Variants in RND3 observed in about 807,000 individuals in gnomAD.
RND3 encodes Rho family GTPase 3, also known as rho-related GTP-binding protein RhoE.
In RND3, 8 loss-of-function variants were observed where a neutral mutation model predicts 26.5. The observed-to-expected ratio is 0.30, with a 90% CI of 0.18 to 0.54. RND3 has a LOEUF of 0.54. Ranked by LOEUF, RND3 falls within the 20% of genes least tolerant of loss-of-function variation. RND3 has a pLI of 0.94. For missense variants in RND3, 207 were observed against 302.8 expected, an observed-to-expected ratio of 0.68 and a Z score of 2.35; for synonymous variants, 113 against 113.0, an observed-to-expected ratio of 1.00 and a Z score of 0.00.
intron 3 of RND3, among the ~76,000 whole-genome samples, chr2:150,476,025 G>T (rs1003465596): frequency 1.3e-5 from 2 of 152,152 alleles, no homozygotes; most frequent in East Asian, 1.9e-4. Context: ...GCCAAATGCC[G>T]CTTGTTTAAG....
Position 150,487,471 on chromosome 2 carries a change from AAAAATAT to A in RND3, c.-38-23_-38-17del. 1.7e-5 allele frequency: 7 copies of A among 411,418 alleles called. No individual in the cohort carries two copies. Among genetic ancestry groups the A allele is most frequent in the South Asian group, 8.2e-5 (1 of 12,206 alleles). The allele number at this position is 411,418 out of a possible 1,614,324, so 25.5% of individuals were successfully genotyped here. A position where few individuals can be genotyped will look rare whatever the true frequency, so the allele number is the denominator to read the frequency against. Reference sequence around the variant, plus strand: ...GGAATTTTCTCTTAAGAAGAAAAAAAAAAATATATATATATATATATATTTCTCTCTT... The same window carrying A: ...GGAATTTTCTCTTAAGAAGAAAAAAAATATATATATATATATTTCTCTCTT... On this transcript the variant is annotated splice_polypyrimidine_tract_variant and intron_variant, in intron 1 of 5. Coordinates refer to ENST00000263895, the MANE Select transcript of RND3 (RefSeq NM_005168.5).
rs1209384148 is a variant in RND3 at position 150,487,474 on chromosome 2, A to AATATAT, written c.-38-25_-38-20dup. 1,361 of 200,764 alleles carry AATATAT rather than the reference A, an allele frequency of 6.8e-3. 26 individuals carry two copies. The highest frequency in any genetic ancestry group is 0.034 in the African/African-American group (1,260 of 36,630). 12.4% of individuals were successfully genotyped at this position (200,764 alleles called of 1,614,324 possible). On this transcript the variant is annotated intron_variant, in intron 1 of 5. Coordinates refer to ENST00000263895, the MANE Select transcript of RND3 (RefSeq NM_005168.5). The stretch of plus-strand genomic sequence containing the variant: ...ATTTTCTCTTAAGAAGAAAAAAAAA[A>AATATAT]ATATATATATATATATATATTTCTC...
intron 3 of RND3, among the ~76,000 whole-genome samples, chr2:150,475,852 C>T (rs908301670): frequency 2.6e-5 from 4 of 152,108 alleles, no homozygotes; most frequent in Non-Finnish European, 5.9e-5. Context: ...TGAATTAAGT[C>T]CAGGGTACCC....
At chr2:150,470,784 G>A (rs947394053) in intron 5 of RND3, among the ~76,000 whole-genome samples, 13 of 152,146 alleles carry the variant, frequency 8.5e-5, no homozygotes, top group Non-Finnish European at 1.5e-4. Context: ...CTGTTCCAGC[G>A]CCTCATGGTG....
In RND3 at chr2:150,469,941, T is replaced by C. The variant is rs764386681; in HGVS notation, c.*46A>G. 5 of 1,601,786 alleles carry C rather than the reference T, an allele frequency of 3.1e-6. No individual in the cohort carries two copies. The highest frequency in any genetic ancestry group is 3.4e-6 in the Non-Finnish European group (4 of 1,172,412). ...GACTTCACCTTTTTGTTTGCTGTTG[T>C]TTTTTACACTAGATTCCTTTGTCTT... On this transcript the variant is annotated 3_prime_UTR_variant, in exon 6 of 6. Transcript: ENST00000263895.
chr2:150,487,319 C>A lies in RND3; in HGVS notation c.99G>T (p.Gln33His). Residue 33 changes from glutamine to histidine, a missense_variant, in exon 2 of 6, where the codon CAG becomes CAT. Transcript: ENST00000263895. The stretch of plus-strand genomic sequence containing the variant: ...CATGGAGCAGCGCAGTTTTTCCACA[C>A]TGACTGTCTCCCACCACAACTATCT... ...KCKIVVVGDS[Q>H]CGKTALLHVF... The A allele has an allele frequency of 6.2e-7, 1 of 1,605,912 alleles. No individual in the cohort carries two copies. The highest frequency in any genetic ancestry group is 2.3e-5 in the East Asian group (1 of 44,194).
At chr2:150,480,588 G>A (rs1233554734) in intron 3 of RND3, among the ~76,000 whole-genome samples, 2 of 151,930 alleles carry the variant, frequency 1.3e-5, no homozygotes, top group Non-Finnish European at 2.9e-5. Flanking sequence ...TGACCAATTT[G>A]GATGCTTCAT....
At chr2:150,473,969 G>A (rs1165224397) in intron 4 of RND3, among the ~76,000 whole-genome samples, 6 of 152,220 alleles carry the variant, frequency 3.9e-5, no homozygotes, top group African/African-American at 1.4e-4. Context: ...AAGCCAGTGT[G>A]TGGAGGAGAG....
chr2:150,475,677 C>T (rs192045615), intron 3 of RND3, among the ~76,000 whole-genome samples: 80 of 152,308 alleles, frequency 5.3e-4, no homozygotes, highest in Middle Eastern at 3.4e-3. Context: ...TTTACATAGG[C>T]CATTGACCTT....
Position 150,486,598 on chromosome 2 carries a change from C to T in RND3, c.238+96G>A, listed in dbSNP as rs529860120. 4.7e-5 allele frequency: 42 copies of T among 886,438 alleles called. No homozygotes were observed. In the South Asian group the frequency reaches 5.0e-4, roughly 11 times the overall value. 54.9% of individuals were successfully genotyped at this position (886,438 alleles called of 1,614,324 possible). A position where few individuals can be genotyped will look rare whatever the true frequency, so the allele number is the denominator to read the frequency against. On this transcript the variant is annotated intron_variant, in intron 3 of 5. Transcript: ENST00000263895. The surrounding 1 kb of genome is among the most constrained non-coding windows in gnomAD (Gnocchi z 4.5). ...CCGTGGGAATCCCTTGGGAGGGGCG[C>T]AGACGGCTTGTAGCGCGCGGTTTCC... is the stretch of plus-strand genomic sequence containing the variant.
rs1686358529 is a variant in RND3 at position 150,486,241 on chromosome 2, A to G, written c.238+453T>C. Among the ~76,000 whole-genome samples, 1 of 150,982 alleles carries G rather than the reference A, an allele frequency of 6.6e-6. No individual in the cohort carries two copies. The highest frequency in any genetic ancestry group is 2.4e-5 in the African/African-American group (1 of 40,994). On this transcript the variant is annotated intron_variant, in intron 3 of 5. Coordinates refer to ENST00000263895, the MANE Select transcript of RND3 (RefSeq NM_005168.5). This position sits in a 1 kb window ranked among gnomAD's most constrained non-coding sequence, Gnocchi z 4.5. ...TGCACGTAACCGCGTCGCCTCTGGG[A>G]TTTTCTCCCGCCTCCCATCACCCCC...
intron 3 of RND3, among the ~76,000 whole-genome samples, chr2:150,484,644 G>A (rs1686328139): frequency 6.6e-6 from 1 of 152,076 alleles, no homozygotes; most frequent in African/African-American, 2.4e-5. Context: ...CAACATCCTG[G>A]GAAACAAAAA....
At chr2:150,478,579 C>CA (rs1229770069) in intron 3 of RND3, among the ~76,000 whole-genome samples, 14,846 of 106,284 alleles carry the variant, frequency 0.14, 1,064 homozygotes, top group Admixed American at 0.18. Flanking sequence ...AGCCAAACGG[C>CA]AAAAAAAAAA....
At chr2:150,484,780 A>G (rs1686330627) in intron 3 of RND3, among the ~76,000 whole-genome samples, 1 of 152,214 alleles carries the variant, frequency 6.6e-6, no homozygotes, top group Non-Finnish European at 1.5e-5. Flanking sequence ...GGGGATTTGC[A>G]CACAGAAATC....
At chr2:150,476,409 T>C (rs1686165731) in intron 3 of RND3, among the ~76,000 whole-genome samples, 1 of 152,216 alleles carries the variant, frequency 6.6e-6, no homozygotes. Context: ...TCTGGGTCCC[T>C]GGCATCTGCT....
At position 150,468,541 on chromosome 2, in the gene RND3, T is replaced by C. The variant is rs1180494501; in HGVS notation, c.*1446A>G. 6.6e-6 allele frequency: 1 copy of C among 152,604 alleles called. No individual in the cohort carries two copies. The highest frequency in any genetic ancestry group is 1.5e-5 in the Non-Finnish European group (1 of 68,030). 9.5% of individuals were successfully genotyped at this position (152,604 alleles called of 1,614,324 possible). A position where few individuals can be genotyped will look rare whatever the true frequency, so the allele number is the denominator to read the frequency against. The stretch of plus-strand genomic sequence containing the variant: ...AAGACATAGAACTGAGTGTTGTAAT[T>C]ACCTTAATCTCTCCTGCCACGATTT... On this transcript the variant is annotated 3_prime_UTR_variant, in exon 6 of 6. Coordinates refer to ENST00000263895, the MANE Select transcript of RND3 (RefSeq NM_005168.5).
chr2:150,487,461 G>GAAAAAA lies in RND3; in HGVS notation c.-38-7_-38-6insTTTTTT. 1.7e-6 allele frequency: 1 copy of GAAAAAA among 596,482 alleles called. No individual in the cohort carries two copies. The highest frequency in any genetic ancestry group is 2.2e-6 in the Non-Finnish European group (1 of 445,936). The allele number at this position is 596,482 out of a possible 1,614,324, so 36.9% of individuals were successfully genotyped here. On this transcript the variant is annotated splice_region_variant and splice_polypyrimidine_tract_variant and intron_variant, in intron 1 of 5. Coordinates refer to ENST00000263895, the MANE Select transcript of RND3 (RefSeq NM_005168.5). ...TCTTGGAACAGGAATTTTCTCTTAA[G>GAAAAAA]AAGAAAAAAAAAAATATATATATAT... is the stretch of plus-strand genomic sequence containing the variant.
intron 3 of RND3, among the ~76,000 whole-genome samples, chr2:150,476,048 G>A (rs551116725): frequency 6.6e-6 from 1 of 152,104 alleles, no homozygotes; most frequent in African/African-American, 2.4e-5. Context: ...ATCATTTTCC[G>A]TATGCTGACA....
In RND3 at chr2:150,471,710, C is replaced by T. The variant is rs1214214463; in HGVS notation, c.400G>A (p.Gly134Ser). Residue 134 changes from glycine (G) to serine (S), a missense_variant, in exon 5 of 6, where the codon GGC becomes AGC. Physicochemically the swap from Gly to Ser is moderately conservative, Grantham distance 56. Coordinates refer to ENST00000263895, the MANE Select transcript of RND3 (RefSeq NM_005168.5). ...TCTGTCCGCAGATCAGACTTGCAGC[C>T]GACCAAGAGCATTTTGGTATTTGGA... ...FCPNTKMLLV[G>S]CKSDLRTDVS... is the part of the protein sequence containing the mutation. 5.6e-6 allele frequency: 9 copies of T among 1,613,108 alleles called. No individual in the cohort carries two copies. The East Asian group carries it at 6.7e-5, about 12-fold the overall frequency.
Sources: allele counts gnomAD v4.1 joint callset (sites outside exome capture counted in the v4.1 genomes callset), GRCh38; gene constraint gnomAD v4.1.1; non-coding constraint Gnocchi (gnomAD v3.1); transcripts MANE v1.5; gene names NCBI Gene and HGNC (gene_info 2026-07-23, HGNC 2026-07-21).